TDRD3: variants seen among roughly 807,000 people sequenced by gnomAD.
TDRD3 encodes the protein tudor domain containing 3.
Under a neutral mutation model 86.7 loss-of-function variants are expected in TDRD3, and 45 were observed. That is an observed-to-expected ratio of 0.52 (90% CI 0.41 to 0.67). The LOEUF (loss-of-function observed/expected upper bound fraction) is 0.67, where lower values mean the gene tolerates loss of function less well. Ranked by LOEUF, TDRD3 falls within the 30% of genes least tolerant of loss-of-function variation. The pLI, the probability that TDRD3 is intolerant of heterozygous loss-of-function variation, is 0.00. For synonymous variants in TDRD3, 298 were observed against 301.7 expected, an observed-to-expected ratio of 0.99 and a Z score of 0.13; for missense variants, 814 against 889.0, an observed-to-expected ratio of 0.92 and a Z score of 1.07.
chr13:60,476,831 G>A (rs1768821519), intron 5 of TDRD3, among the ~76,000 whole-genome samples: 2 of 152,004 alleles, frequency 1.3e-5, no homozygotes, highest in Admixed American at 1.3e-4. Context: ...TTGTAAATGG[G>A]TTTGCATTCT....
In TDRD3 at chr13:60,467,378, G is replaced by C. The variant is rs773679063; in HGVS notation, c.494G>C (p.Arg165Thr). The C allele has an allele frequency of 3.1e-6, 5 of 1,613,114 alleles. No individual in the cohort carries two copies. In the South Asian group the frequency reaches 3.3e-5, roughly 11 times the overall value. ...EHLIEKWELQ[R>T]SLSKHNRSNI... ...CTTATTGAGAAATGGGAGTTACAGA[G>C]AGTAAGTGTAAACTATGGCTTGAAC... The change falls in exon 5 of 14, where the codon AGA becomes ACA. Residue 165 changes from arginine (R) to threonine (T), a missense_variant and splice_region_variant. Arg to Thr is a moderately conservative substitution (Grantham distance 71). Coordinates refer to ENST00000377881, the MANE Select transcript of TDRD3 (RefSeq NM_001146070.2).
chr13:60,406,039 G>A (rs1954225579), intron 1 of TDRD3, among the ~76,000 whole-genome samples: 1 of 152,204 alleles, frequency 6.6e-6, no homozygotes, highest in Admixed American at 6.5e-5. Context: ...GGGACTGTTA[G>A]AAGACGGTCG....
chr13:60,514,064 A>G (rs754623977), intron 10 of TDRD3, among the ~76,000 whole-genome samples: 7 of 152,202 alleles, frequency 4.6e-5, no homozygotes, highest in African/African-American at 7.2e-5. Flanking sequence ...GACTTGTTGA[A>G]TGGCTTTGAA....
At chr13:60,399,724 C>G (rs1039761412) in intron 1 of TDRD3, among the ~76,000 whole-genome samples, 2 of 152,302 alleles carry the variant, frequency 1.3e-5, no homozygotes, top group South Asian at 2.1e-4. Context: ...TACTTAGTTA[C>G]TTGTAGAAGC....
chr13:60,567,406 T>G, intron 12 of TDRD3, 119 bp from the exon 13 acceptor site: 4 of 1,279,260 alleles, frequency 3.1e-6, no homozygotes, highest in Non-Finnish European at 4.4e-6. Context: ...AAAGTTGACA[T>G]GTGTGAATTC....
intron 11 of TDRD3, among the ~76,000 whole-genome samples, chr13:60,530,759 A>G (rs923309600): frequency 6.6e-6 from 1 of 151,966 alleles, no homozygotes; most frequent in Non-Finnish European, 1.5e-5. Context: ...CCGGCCCAAA[A>G]TAAATATTTT....
Position 60,494,450 on chromosome 13 carries a change from G to A in TDRD3, c.733G>A (p.Gly245Arg). 6.2e-7 allele frequency: 1 copy of A among 1,613,162 alleles called. No homozygotes were observed. The highest frequency in any genetic ancestry group is 8.5e-7 in the Non-Finnish European group (1 of 1,179,516). ...AKSKETKTFG[G>R]GGGGARSNLN... Reference sequence around the variant, plus strand: ...TTATGTAAAGACCAAGACATTTGGAGGAGGTGGTGGTGGTGCTAGAAGTAA... The same window carrying A: ...TTATGTAAAGACCAAGACATTTGGAAGAGGTGGTGGTGGTGCTAGAAGTAA... The change falls in exon 8 of 14, where the codon GGA becomes AGA. Residue 245 changes from glycine (G) to arginine (R), a missense_variant. Coordinates refer to ENST00000377881, the MANE Select transcript of TDRD3 (RefSeq NM_001146070.2).
chr13:60,556,258 C>T (rs953432717), intron 12 of TDRD3, among the ~76,000 whole-genome samples: 1 of 152,160 alleles, frequency 6.6e-6, no homozygotes, highest in Admixed American at 6.5e-5. Flanking sequence ...GATTAAGGTA[C>T]ATTTCAACTA....
chr13:60,432,954 A>G (rs1268710212), intron 1 of TDRD3, among the ~76,000 whole-genome samples: 2 of 152,146 alleles, frequency 1.3e-5, no homozygotes, highest in African/African-American at 4.8e-5. Flanking sequence ...CAAAAACTGC[A>G]TGAAGCCATT....
At chr13:60,486,064 ATTC>A in intron 7 of TDRD3, 116 bp downstream of exon 7, 1 of 1,060,428 alleles carries the variant, frequency 9.4e-7, no homozygotes. Context: ...GCTTAACCTT[ATTC>A]TTCTTGCATA....
At chr13:60,570,315 A>ATC (rs1481478897) in intron 13 of TDRD3, among the ~76,000 whole-genome samples, 4 of 152,228 alleles carry the variant, frequency 2.6e-5, no homozygotes, top group African/African-American at 9.6e-5. Context: ...AAAAATACTC[A>ATC]ACATCATTAA....
intron 8 of TDRD3, among the ~76,000 whole-genome samples, chr13:60,508,984 T>G (rs1013592064): frequency 2.6e-5 from 4 of 152,188 alleles, no homozygotes; most frequent in African/African-American, 9.6e-5. Context: ...AGACTTTAAA[T>G]GGACTGTCTT....
chr13:60,540,674 T>G (rs1957789267), intron 12 of TDRD3, among the ~76,000 whole-genome samples: 1 of 152,188 alleles, frequency 6.6e-6, no homozygotes, highest in African/African-American at 2.4e-5. Flanking sequence ...CCATTTAAAT[T>G]AATACTAAGA....
At chr13:60,474,631 A>G (rs1278984551) in intron 5 of TDRD3, among the ~76,000 whole-genome samples, 1 of 152,172 alleles carries the variant, frequency 6.6e-6, no homozygotes, top group African/African-American at 2.4e-5. Context: ...GCTTTCATGT[A>G]CCCAGTTTTG....
chr13:60,396,796 A>T (rs1211061022), upstream of TDRD3: 1 of 152,242 alleles, frequency 6.6e-6, no homozygotes, highest in African/African-American at 2.4e-5. Flanking sequence ...ACGAGTGTTT[A>T]TAAGAAAGTA....
At chr13:60,552,482 T>A (rs1958086060) in intron 12 of TDRD3, among the ~76,000 whole-genome samples, 1 of 152,234 alleles carries the variant, frequency 6.6e-6, no homozygotes. Flanking sequence ...TTTCACAGTC[T>A]GGTGTTGAGT....
chr13:60,460,474 G>A lies in TDRD3; in HGVS notation c.287G>A (p.Arg96Gln), dbSNP rs140911407. Reference sequence around the variant, plus strand: ...TCTCAGGCTGCACCAAGGATGCTGCGATTACAGATGACTGATGGTCATATA... The same window carrying A: ...TCTCAGGCTGCACCAAGGATGCTGCAATTACAGATGACTGATGGTCATATA... ...EESQAAPRML[R>Q]LQMTDGHISC... Residue 96 changes from arginine to glutamine, a missense_variant, in exon 4 of 14, where the codon CGA (arginine) becomes CAA (glutamine). Physicochemically the swap from Arg to Gln is conservative, Grantham distance 43. Coordinates refer to ENST00000377881, the MANE Select transcript of TDRD3 (RefSeq NM_001146070.2). 3.1e-5 allele frequency: 50 copies of A among 1,589,744 alleles called. No individual in the cohort carries two copies. In the African/African-American group the frequency reaches 4.0e-4, roughly 13 times the overall value.
chr13:60,542,624 A>C (rs1408738762), intron 12 of TDRD3, among the ~76,000 whole-genome samples: 5 of 152,200 alleles, frequency 3.3e-5, no homozygotes, highest in Non-Finnish European at 7.4e-5. Context: ...ATGGTGATGG[A>C]CTAAAAGTGG....
At chr13:60,463,763 T>G (rs1003599039) in intron 4 of TDRD3, among the ~76,000 whole-genome samples, 1 of 152,048 alleles carries the variant, frequency 6.6e-6, no homozygotes. Flanking sequence ...TATGAAAAAA[T>G]GCTCAGCATC....
Sources: allele counts gnomAD v4.1 joint callset (sites outside exome capture counted in the v4.1 genomes callset), GRCh38; gene constraint gnomAD v4.1.1; transcripts MANE v1.5; gene names NCBI Gene and HGNC (gene_info 2026-07-23, HGNC 2026-07-21).